GMDS: variants seen among roughly 807,000 people sequenced by gnomAD.
The protein encoded by GMDS is GDP-mannose 4,6 dehydratase.
Under a neutral mutation model 49.9 loss-of-function variants are expected in GMDS, and 20 were observed. The ratio of observed to expected loss-of-function variants is 0.40; its 90% confidence interval spans 0.28 to 0.58. The LOEUF (loss-of-function observed/expected upper bound fraction) is 0.58, where lower values mean the gene tolerates loss of function less well. Ranked by LOEUF, GMDS falls within the 20% of genes least tolerant of loss-of-function variation. GMDS has a pLI of 0.42. For missense variants in GMDS, 362 were observed against 481.4 expected, an observed-to-expected ratio of 0.75 and a Z score of 2.32; for synonymous variants, 177 against 178.6, an observed-to-expected ratio of 0.99 and a Z score of 0.07.
chr6:2,073,736 C>T (rs1462635523), intron 4 of GMDS, among the ~76,000 whole-genome samples: 1 of 152,156 alleles, frequency 6.6e-6, no homozygotes, highest in African/African-American at 2.4e-5. Flanking sequence ...AGTTTTTTAG[C>T]TCACACATAT....
chr6:1,827,348 C>T (rs78633600), intron 7 of GMDS, among the ~76,000 whole-genome samples: 3 of 139,432 alleles, frequency 2.2e-5, no homozygotes, highest in Non-Finnish European at 4.6e-5. Flanking sequence ...TATATACACA[C>T]GTTTTGGAAA....
intron 7 of GMDS, among the ~76,000 whole-genome samples, chr6:1,815,798 C>T (rs1770639212): frequency 6.6e-6 from 1 of 152,156 alleles, no homozygotes; most frequent in South Asian, 2.1e-4. Context: ...AGCGTGCTGT[C>T]GTTAGCTCAG....
rs1271572299 is a variant in GMDS at position 1,766,549 on chromosome 6, C to G, written c.772-23963G>C. 6.6e-6 allele frequency among the ~76,000 whole-genome samples: 1 copy of G among 152,150 alleles called. No individual in the cohort carries two copies. The highest frequency in any genetic ancestry group is 2.4e-5 in the African/African-American group (1 of 41,436). On this transcript the variant is annotated intron_variant, in intron 7 of 10. Transcript: ENST00000380815. This position sits in a 1 kb window ranked among gnomAD's most constrained non-coding sequence, Gnocchi z 4.5. ...TCGCTTACTTTGAAAAGTGATTTCT[C>G]TCTTGTGTATGGCTCGGGAGGAGGG...
intron 1 of GMDS, among the ~76,000 whole-genome samples, chr6:2,159,136 T>G (rs1777254689): frequency 6.6e-6 from 1 of 152,196 alleles, no homozygotes; most frequent in African/African-American, 2.4e-5. Flanking sequence ...AAGTCCAACT[T>G]TGGGGATACA....
intron 7 of GMDS, among the ~76,000 whole-genome samples, chr6:1,928,241 T>C (rs1762119256): frequency 6.6e-6 from 1 of 152,006 alleles, no homozygotes; most frequent in Non-Finnish European, 1.5e-5. Flanking sequence ...GGTACGCGCC[T>C]GTAGTCCCAG....
At chr6:2,111,709 T>C (rs1027129473) in intron 4 of GMDS, among the ~76,000 whole-genome samples, 5 of 152,142 alleles carry the variant, frequency 3.3e-5, no homozygotes, top group Admixed American at 3.3e-4. Context: ...GGACCTTTTT[T>C]CAAAAGGACA....
intron 1 of GMDS, among the ~76,000 whole-genome samples, chr6:2,231,181 G>A (rs1350523990): frequency 6.6e-6 from 1 of 151,990 alleles, no homozygotes; most frequent in South Asian, 2.1e-4. Context: ...AGAGACTAGG[G>A]AGAGCTGCAG....
At chr6:2,197,484 G>T (rs1274828572) in intron 1 of GMDS, among the ~76,000 whole-genome samples, 3 of 152,202 alleles carry the variant, frequency 2.0e-5, no homozygotes, top group Non-Finnish European at 4.4e-5. Context: ...TCCCAAGTAA[G>T]TTGCTAAACC....
chr6:2,099,627 C>T (rs935940139), intron 4 of GMDS, among the ~76,000 whole-genome samples: 1 of 151,832 alleles, frequency 6.6e-6, no homozygotes, highest in Non-Finnish European at 1.5e-5. Context: ...ATAAGATATC[C>T]CCATATTAAC....
At position 1,930,200 on chromosome 6, in the gene GMDS, C is replaced by G. The variant is rs779902005; in HGVS notation, c.674G>C (p.Arg225Pro). 1 of 1,612,142 alleles carries G rather than the reference C, an allele frequency of 6.2e-7. No individual in the cohort carries two copies. The highest frequency in any genetic ancestry group is 8.5e-7 in the Non-Finnish European group (1 of 1,178,846). Residue 225 changes from arginine (R) to proline (P), a missense_variant, in exon 7 of 11, where the codon CGG (arginine) becomes CCG (proline). Transcript: ENST00000380815. Reference protein sequence around the residue: ...GANFVTRKISRSVAKIYLGQL... With the variant: ...GANFVTRKISPSVAKIYLGQL... ...TCCAAGGTAAATCTTAGCTACTGACCGGCTAATTTTTCGAGTAACGAAATT... is the reference window on the plus strand; with the variant it reads ...TCCAAGGTAAATCTTAGCTACTGACGGGCTAATTTTTCGAGTAACGAAATT...
chr6:1,723,383 G>A (rs1463449203), intron 9 of GMDS, among the ~76,000 whole-genome samples: 2 of 138,224 alleles, frequency 1.4e-5, no homozygotes, highest in Non-Finnish European at 3.0e-5. Flanking sequence ...CTGGAGTGCA[G>A]TGGCACGACC....
chr6:2,174,554 G>T (rs562303641), intron 1 of GMDS, among the ~76,000 whole-genome samples: 4 of 151,490 alleles, frequency 2.6e-5, no homozygotes, highest in Admixed American at 6.6e-5. Context: ...AGTTTTTTTT[G>T]TTTTGTTTTG....
At chr6:2,096,784 G>C (rs1182729988) in intron 4 of GMDS, among the ~76,000 whole-genome samples, 2 of 152,092 alleles carry the variant, frequency 1.3e-5, no homozygotes, top group African/African-American at 4.8e-5. Context: ...ATGGATAAAA[G>C]CTCCAAGTAC....
intron 1 of GMDS, among the ~76,000 whole-genome samples, chr6:2,174,731 C>T (rs1173728730): frequency 6.6e-6 from 1 of 151,958 alleles, no homozygotes; most frequent in East Asian, 1.9e-4. Flanking sequence ...CCATGCCAGG[C>T]TAACTTTTTG....
intron 1 of GMDS, among the ~76,000 whole-genome samples, chr6:2,237,419 T>C (rs1285483233): frequency 6.6e-6 from 1 of 152,068 alleles, no homozygotes; most frequent in African/African-American, 2.4e-5. Flanking sequence ...GAATGGTTAA[T>C]GCAACTGAGC....
At chr6:1,800,690 C>T (rs879742295) in intron 7 of GMDS, among the ~76,000 whole-genome samples, 4 of 151,480 alleles carry the variant, frequency 2.6e-5, no homozygotes, top group African/African-American at 9.7e-5. Flanking sequence ...TCTTGAACTC[C>T]TGACCTCAGT....
intron 7 of GMDS, among the ~76,000 whole-genome samples, chr6:1,803,773 T>C (rs1256011313): frequency 1.3e-5 from 2 of 152,172 alleles, no homozygotes; most frequent in Non-Finnish European, 2.9e-5. Flanking sequence ...TTTGGGCCTC[T>C]AGTTGCTGAA....
intron 7 of GMDS, among the ~76,000 whole-genome samples, chr6:1,870,416 A>C (rs892401477): frequency 2.6e-5 from 4 of 152,204 alleles, no homozygotes; most frequent in Admixed American, 1.3e-4. Context: ...GCCTGTGCCA[A>C]TCAAGCCACA....
intron 7 of GMDS, among the ~76,000 whole-genome samples, chr6:1,875,238 C>A (rs2113810567): frequency 6.6e-6 from 1 of 151,770 alleles, no homozygotes; most frequent in East Asian, 1.9e-4. Flanking sequence ...ATTTGAATAT[C>A]TCTGATTTGA....
Sources: gnomAD v4.1 joint callset for allele counts (sites outside exome capture counted in the v4.1 genomes callset) on GRCh38, gnomAD v4.1.1 for gene constraint, Gnocchi (gnomAD v3.1) non-coding constraint, MANE v1.5 for transcripts, NCBI Gene and HGNC (gene_info 2026-07-23, HGNC 2026-07-21) for gene names.